XKR4: variants seen among roughly 807,000 people sequenced by gnomAD.
The protein encoded by XKR4 is XK related 4.
XKR4 carries 12 observed loss-of-function variants against 53.9 expected under a neutral mutation model. That is an observed-to-expected ratio of 0.22 (90% CI 0.14 to 0.36). The LOEUF (loss-of-function observed/expected upper bound fraction) is 0.36. Ranked by LOEUF, XKR4 falls within the 10% of genes least tolerant of loss-of-function variation. The pLI is 1.00. For missense variants in XKR4, 799 were observed against 859.5 expected (o/e 0.93, Z 0.88); for synonymous variants, 354 against 362.4 (o/e 0.98, Z 0.26).
intron 1 of XKR4, among the ~76,000 whole-genome samples, chr8:55,202,250 A>T (rs892296675): frequency 1.3e-5 from 2 of 152,194 alleles, no homozygotes; most frequent in Non-Finnish European, 2.9e-5. Flanking sequence ...TCGATATGTC[A>T]TTACAGCCAG....
intron 1 of XKR4, among the ~76,000 whole-genome samples, chr8:55,284,504 T>A (rs1361172090): frequency 6.6e-6 from 1 of 152,134 alleles, no homozygotes; most frequent in Non-Finnish European, 1.5e-5. Flanking sequence ...AAGCCTGGGT[T>A]CCATGCTGGC....
rs1807074526 is a variant in XKR4, at chr8:55,539,655, T to A, written c.*15428T>A. On this transcript the variant is annotated 3_prime_UTR_variant, in exon 3 of 3. Coordinates refer to ENST00000327381, the MANE Select transcript of XKR4 (RefSeq NM_052898.2). Reference sequence around the variant, plus strand: ...GGACTAATACTATGAGAATAGTAAGTGAGTCAAAAAATAATTGGGACTGTC... The same window carrying A: ...GGACTAATACTATGAGAATAGTAAGAGAGTCAAAAAATAATTGGGACTGTC... 6.6e-6 allele frequency: 1 copy of A among 152,190 alleles called. No homozygotes were observed. The highest frequency in any genetic ancestry group is 1.5e-5 in the Non-Finnish European group (1 of 68,038). The allele number at this position is 152,190 out of a possible 1,614,324, so 9.4% of individuals were successfully genotyped here.
At chr8:55,306,424 G>A (rs569339905) in intron 1 of XKR4, among the ~76,000 whole-genome samples, 79 of 152,336 alleles carry the variant, frequency 5.2e-4, no homozygotes, top group Non-Finnish European at 9.6e-4. Context: ...TCATGCTGCT[G>A]ATAAAGTATA....
At chr8:55,514,155 G>A (rs897131738) in intron 2 of XKR4, among the ~76,000 whole-genome samples, 25 of 151,806 alleles carry the variant, frequency 1.6e-4, no homozygotes, top group Non-Finnish European at 2.2e-4. Context: ...CTGTAAAATG[G>A]ACAAAAAATT....
chr8:55,383,556 A>G (rs1397372413), intron 2 of XKR4, among the ~76,000 whole-genome samples: 1 of 152,244 alleles, frequency 6.6e-6, no homozygotes, highest in Admixed American at 6.5e-5. Flanking sequence ...TGGAATTTTT[A>G]GGCAAATTCG....
chr8:55,215,313 T>C (rs368382284), intron 1 of XKR4, among the ~76,000 whole-genome samples: 3 of 152,356 alleles, frequency 2.0e-5, no homozygotes, highest in East Asian at 3.9e-4. Context: ...AATAAAGCTT[T>C]TTCTGGAATA....
chr8:55,361,902 A>C (rs1047348760), intron 2 of XKR4, among the ~76,000 whole-genome samples: 2 of 152,156 alleles, frequency 1.3e-5, no homozygotes, highest in African/African-American at 4.8e-5. Flanking sequence ...AATTCAGTTT[A>C]ACCTCCTCAG....
At chr8:55,324,121 G>C (rs544295562) in intron 1 of XKR4, among the ~76,000 whole-genome samples, 174 of 152,040 alleles carry the variant, frequency 1.1e-3, no homozygotes, top group African/African-American at 3.9e-3. Flanking sequence ...TTTGAGACAA[G>C]GTCTTGCTCT....
At chr8:55,356,892 G>A (rs1194749842) in intron 1 of XKR4, among the ~76,000 whole-genome samples, 3 of 152,102 alleles carry the variant, frequency 2.0e-5, no homozygotes, top group African/African-American at 4.8e-5. Flanking sequence ...AGATGATGAC[G>A]ATGAAGGCAT....
chr8:55,463,038 AC>A (rs1805688785), intron 2 of XKR4, among the ~76,000 whole-genome samples: 1 of 152,148 alleles, frequency 6.6e-6, no homozygotes, highest in African/African-American at 2.4e-5. Context: ...AGACTTTAAC[AC>A]CCCACTGTCA....
At chr8:55,256,493 GA>G (rs942781166) in intron 1 of XKR4, among the ~76,000 whole-genome samples, 1 of 152,196 alleles carries the variant, frequency 6.6e-6, no homozygotes, top group Non-Finnish European at 1.5e-5. Context: ...AGTAATTTGG[GA>G]AACATTTAGG....
intron 2 of XKR4, among the ~76,000 whole-genome samples, chr8:55,435,677 C>T (rs938714111): frequency 2.4e-5 from 2 of 83,662 alleles, no homozygotes. Context: ...TCAAGCAATG[C>T]CCCTTCCTCA....
chr8:55,176,799 G>A (rs1157917421), intron 1 of XKR4, among the ~76,000 whole-genome samples: 4 of 152,022 alleles, frequency 2.6e-5, no homozygotes, highest in Non-Finnish European at 4.4e-5. Context: ...ATGATTGCAT[G>A]AGAATCATGT....
intron 1 of XKR4, among the ~76,000 whole-genome samples, chr8:55,353,919 G>A (rs190150904): frequency 5.3e-5 from 8 of 152,298 alleles, no homozygotes; most frequent in East Asian, 1.9e-4. Context: ...GCAGCCAAAG[G>A]TTCAAGGGAA....
At chr8:55,234,654 A>C (rs531794068) in intron 1 of XKR4, among the ~76,000 whole-genome samples, 9 of 152,366 alleles carry the variant, frequency 5.9e-5, no homozygotes, top group African/African-American at 1.7e-4. Flanking sequence ...ATTTTAAGGT[A>C]ATTGAAGCAT....
intron 1 of XKR4, among the ~76,000 whole-genome samples, chr8:55,338,519 C>G (rs1393714721): frequency 6.6e-6 from 1 of 152,210 alleles, no homozygotes; most frequent in Non-Finnish European, 1.5e-5. Flanking sequence ...CTCCTCCCAT[C>G]CTTCCTGGTC....
At chr8:55,148,480 C>T (rs1208179949) in intron 1 of XKR4, among the ~76,000 whole-genome samples, 2 of 152,088 alleles carry the variant, frequency 1.3e-5, no homozygotes, top group Non-Finnish European at 2.9e-5. Flanking sequence ...TCCCTATCTC[C>T]TTGATGAGGA....
intron 2 of XKR4, among the ~76,000 whole-genome samples, chr8:55,361,553 G>C (rs550926871): frequency 1.3e-4 from 20 of 152,104 alleles, no homozygotes; most frequent in African/African-American, 4.6e-4. Context: ...CTCCCACCCA[G>C]ACCCCTGTGG....
chr8:55,419,494 C>T (rs906309663), intron 2 of XKR4, among the ~76,000 whole-genome samples: 3 of 152,180 alleles, frequency 2.0e-5, no homozygotes, highest in African/African-American at 7.2e-5. Context: ...CTAGTTCTAA[C>T]CGTTTTCACT....
Sources: gnomAD v4.1 joint callset for allele counts (sites outside exome capture counted in the v4.1 genomes callset) on GRCh38, gnomAD v4.1.1 for gene constraint, MANE v1.5 for transcripts, NCBI Gene and HGNC (gene_info 2026-07-23, HGNC 2026-07-21) for gene names.